Variants in IRS2 observed in about 807,000 individuals in gnomAD.
IRS2 encodes insulin receptor substrate 2.
Under a neutral mutation model 70.9 loss-of-function variants are expected in IRS2, and 28 were observed. The observed-to-expected ratio is 0.39, with a 90% confidence interval of 0.29 to 0.54. The LOEUF (loss-of-function observed/expected upper bound fraction) is 0.54, where lower values mean the gene tolerates loss of function less well. Ranked by LOEUF, IRS2 falls within the 20% of genes least tolerant of loss-of-function variation. The pLI, the probability that IRS2 is intolerant of heterozygous loss-of-function variation, is 0.59. For missense variants in IRS2, 2,081 were observed against 2,024.1 expected, an observed-to-expected ratio of 1.03 and a Z score of -0.54; for synonymous variants, 1,217 against 981.9, an observed-to-expected ratio of 1.24 and a Z score of -4.48.
Position 109,784,045 on chromosome 13 carries a change from C to G in IRS2, c.2009G>C (p.Cys670Ser), listed in dbSNP as rs1877827596. 6.5e-7 allele frequency: 1 copy of G among 1,546,464 alleles called. No homozygotes were observed. Among genetic ancestry groups the G allele is most frequent in the Admixed American group, 1.9e-5 (1 of 51,934 alleles). Reference protein sequence around the residue: ...AALAGSGSGSCRSDDYMPMSP... With the variant: ...AALAGSGSGSSRSDDYMPMSP... Reference sequence around the variant, plus strand: ...CATGGGCATGTAGTCGTCGCTCCTGCAGCTGCCGCTCCCACTGCCCGCGAG... The same window carrying G: ...CATGGGCATGTAGTCGTCGCTCCTGGAGCTGCCGCTCCCACTGCCCGCGAG... Residue 670 changes from cysteine (C) to serine (S), a missense_variant, in exon 1 of 2, where the codon TGC becomes TCC. Physicochemically the swap from Cys to Ser is moderately radical, Grantham distance 112 (BLOSUM62 -1). Around this residue, in one of 4 missense-constraint regions of IRS2, gnomAD observed 1,615 missense variants for 1,459.5 expected, o/e 1.11. Transcript: ENST00000375856. The surrounding 1 kb of genome is among the most constrained non-coding windows in gnomAD (Gnocchi z 5.2).
rs1877552520 is a variant in IRS2, at chr13:109,775,489, TA to T, written c.4012+6552del. Among the ~76,000 whole-genome samples, 3 of 152,222 alleles carry T rather than the reference TA, an allele frequency of 2.0e-5. No homozygotes were observed. The South Asian group carries it at 6.2e-4, about 32-fold the overall frequency. ...AAAATCACACAGTATAATAGGATTG[TA>T]AAGTAACAAAATCACATAGTATAAT... On this transcript the variant is annotated intron_variant, in intron 1 of 1. Coordinates refer to ENST00000375856, the MANE Select transcript of IRS2 (RefSeq NM_003749.3).
chr13:109,776,164 A>G (rs1877573061), intron 1 of IRS2, among the ~76,000 whole-genome samples: 1 of 151,840 alleles, frequency 6.6e-6, no homozygotes. Flanking sequence ...AAAAAAAAGA[A>G]AAAAACCCAG....
rs1056077 is a variant in IRS2 at position 109,783,182 on chromosome 13, G to A, written c.2872C>T (p.Leu958=). 2 of 1,385,474 alleles carry A rather than the reference G, an allele frequency of 1.4e-6. No homozygotes were observed. Among genetic ancestry groups the A allele is most frequent in the Admixed American group, 3.5e-5 (1 of 28,606 alleles). The allele number at this position is 1,385,474 out of a possible 1,614,324, so 85.8% of individuals were successfully genotyped here. Residue 958 remains leucine (L), a synonymous_variant, in exon 1 of 2, where the codon CTG becomes TTG. Coordinates refer to ENST00000375856, the MANE Select transcript of IRS2 (RefSeq NM_003749.3). ...LLSASSPASS[L]GSGTPGTSSD... ...CTGGTGCCCGGGGTGCCTGAGCCCAGCGACGAGGCCGGGCTGCTGGCGGAC... is the reference window on the plus strand; with the variant it reads ...CTGGTGCCCGGGGTGCCTGAGCCCAACGACGAGGCCGGGCTGCTGGCGGAC...
At chr13:109,761,069 T>C (rs1205713382) in intron 1 of IRS2, among the ~76,000 whole-genome samples, 3 of 152,238 alleles carry the variant, frequency 2.0e-5, no homozygotes, top group Non-Finnish European at 4.4e-5. Flanking sequence ...CATGTTTGCC[T>C]CCAATGTTAC....
At chr13:109,761,682 A>G (rs1311491558) in intron 1 of IRS2, among the ~76,000 whole-genome samples, 1 of 152,312 alleles carries the variant, frequency 6.6e-6, no homozygotes, top group East Asian at 1.9e-4. Flanking sequence ...ATTGGAAAAA[A>G]AACTAACTTA....
intron 1 of IRS2, among the ~76,000 whole-genome samples, chr13:109,772,990 C>T (rs936555469): frequency 9.2e-5 from 14 of 152,156 alleles, no homozygotes; most frequent in African/African-American, 2.7e-4. Flanking sequence ...CCACCGCGCC[C>T]GGCCGCCTAT....
At chr13:109,770,155 G>A (rs1393970199) in intron 1 of IRS2, among the ~76,000 whole-genome samples, 1 of 152,226 alleles carries the variant, frequency 6.6e-6, no homozygotes, top group Non-Finnish European at 1.5e-5. Flanking sequence ...AGAGCGGCAA[G>A]CAGCCCTTTG....
At chr13:109,781,611 G>C (rs1015928638) in intron 1 of IRS2, among the ~76,000 whole-genome samples, 1 of 152,202 alleles carries the variant, frequency 6.6e-6, no homozygotes, top group Non-Finnish European at 1.5e-5. Flanking sequence ...GGAACACAGG[G>C]AAAGGTGAAA....
chr13:109,782,955 T>TGGC lies in IRS2; in HGVS notation c.3096_3098dup (p.Pro1036dup). ...ACAGCTCCCCCGGGGCCGGCGGCGG[T>TGGC]GGCGGCGGCTGCAGAGACGACGACG... On this transcript the variant is annotated inframe_insertion, in exon 1 of 2. Coordinates refer to ENST00000375856, the MANE Select transcript of IRS2 (RefSeq NM_003749.3). The TGGC allele has an allele frequency of 5.6e-6, 8 of 1,423,484 alleles. No individual in the cohort carries two copies. The highest frequency in any genetic ancestry group is 4.7e-5 in the South Asian group (3 of 64,324). The allele number at this position is 1,423,484 out of a possible 1,614,324, so 88.2% of individuals were successfully genotyped here. A position where few individuals can be genotyped will look rare whatever the true frequency, so the allele number is the denominator to read the frequency against.
chr13:109,775,753 AACACAC>A (rs71127906), intron 1 of IRS2, among the ~76,000 whole-genome samples: 32,455 of 140,380 alleles, frequency 0.23, 4,051 homozygotes, highest in East Asian at 0.43. Flanking sequence ...ATATTATGGA[AACACAC>A]ACACACACAC....
chr13:109,785,545 G>A lies in IRS2; in HGVS notation c.509C>T (p.Ala170Val), dbSNP rs541185029. The A allele has an allele frequency of 2.3e-5, 36 of 1,545,420 alleles. No individual in the cohort carries two copies. Among genetic ancestry groups the A allele is most frequent in the Non-Finnish European group, 3.1e-5 (35 of 1,144,920 alleles). The change falls in exon 1 of 2, where the codon GCC becomes GTC. Residue 170 changes from alanine to valine, a missense_variant. Ala to Val is a moderately conservative substitution (Grantham distance 64). This residue lies in a region of IRS2 where 320 missense variants were observed against 352.9 expected (regional missense o/e 0.91). Coordinates refer to ENST00000375856, the MANE Select transcript of IRS2 (RefSeq NM_003749.3). The surrounding 1 kb of genome is among the most constrained non-coding windows in gnomAD (Gnocchi z 9.3). ...AASCSASLPG[A>V]LGGSAGAAGA... ...GGCGGCGCCGGCAGAGCCGCCCAGGGCGCCGGGCAGGGAGGCGCTGCAGGA... is the reference window on the plus strand; with the variant it reads ...GGCGGCGCCGGCAGAGCCGCCCAGGACGCCGGGCAGGGAGGCGCTGCAGGA...
rs1250218163 is a variant in IRS2 at position 109,784,304 on chromosome 13, G to C, written c.1750C>G (p.Gln584Glu). Residue 584 changes from glutamine (Q) to glutamate (E), a missense_variant, in exon 1 of 2, where the codon CAG becomes GAG. Coordinates refer to ENST00000375856, the MANE Select transcript of IRS2 (RefSeq NM_003749.3). The surrounding 1 kb of genome is among the most constrained non-coding windows in gnomAD (Gnocchi z 5.2). ...GAGGAGGGCTGGGGCACCGGCCGCT[G>C]CCGGGCTGGCGTGGTCAGGGAGTAG... ...RTYSLTTPAR[Q>E]RPVPQPSSAS... is the part of the protein sequence containing the mutation. The C allele has an allele frequency of 6.3e-7, 1 of 1,599,882 alleles. No individual in the cohort carries two copies. Among genetic ancestry groups the C allele is most frequent in the Admixed American group, 1.7e-5 (1 of 59,476 alleles).
chr13:109,766,047 G>A (rs71439389), intron 1 of IRS2, among the ~76,000 whole-genome samples: 1 of 24,188 alleles, frequency 4.1e-5, no homozygotes, highest in Admixed American at 6.0e-4. Flanking sequence ...TCCCCACCAA[G>A]CATGTAGATA....
At chr13:109,775,300 G>T in intron 1 of IRS2, among the ~76,000 whole-genome samples, 1 of 151,718 alleles carries the variant, frequency 6.6e-6, no homozygotes, top group Non-Finnish European at 1.5e-5. Context: ...TGTATTTTTA[G>T]TAGAGATGGG....
chr13:109,776,731 C>A (rs1877587520), intron 1 of IRS2, among the ~76,000 whole-genome samples: 1 of 152,184 alleles, frequency 6.6e-6, no homozygotes, highest in African/African-American at 2.4e-5. Context: ...CAATCATCAA[C>A]CCCATCATCT....
chr13:109,778,461 G>C (rs974039393), intron 1 of IRS2, among the ~76,000 whole-genome samples: 2 of 152,172 alleles, frequency 1.3e-5, no homozygotes, highest in Admixed American at 1.3e-4. Context: ...CTGCTCCTGC[G>C]AATAGGGCAG....
At chr13:109,764,761 T>C (rs2026816) in intron 1 of IRS2, among the ~76,000 whole-genome samples, 102,268 of 152,170 alleles carry the variant, frequency 0.67, 37,384 homozygotes, top group Middle Eastern at 0.8. Context: ...AAAATTGTAT[T>C]CGTGAATGAT....
Position 109,767,728 on chromosome 13 carries a change from CTTTTTTTT to C in IRS2, c.4013-11428_4013-11421del. ...TGGAAAATCAGCTCGACCATTTTTC[CTTTTTTTT>C]TTTTTTTTTTTTTTGAGATGGAGTC... On this transcript the variant is annotated intron_variant, in intron 1 of 1. Transcript: ENST00000375856. Among the ~76,000 whole-genome samples the C allele has an allele frequency of 1.7e-5, 2 of 119,786 alleles. 1 individual carries two copies. Among genetic ancestry groups the C allele is most frequent in the Admixed American group, 1.7e-4 (2 of 11,640 alleles). The allele number at this position is 119,786 out of a possible 152,430, so 78.6% of individuals were successfully genotyped here.
intron 1 of IRS2, among the ~76,000 whole-genome samples, chr13:109,772,685 TACA>T (rs1877479624): frequency 7.7e-6 from 1 of 130,604 alleles, no homozygotes; most frequent in Non-Finnish European, 1.6e-5. Flanking sequence ...ATTTGCCTAT[TACA>T]TTTTTTTTTT....
Sources: gnomAD v4.1 joint callset for allele counts (sites outside exome capture counted in the v4.1 genomes callset) on GRCh38, gnomAD v4.1.1 for gene constraint, gnomAD v4.1.1 regional missense constraint, Gnocchi (gnomAD v3.1) non-coding constraint, MANE v1.5 for transcripts, NCBI Gene and HGNC (gene_info 2026-07-23, HGNC 2026-07-21) for gene names.